The following NRXN1 variants were observed in gnomAD, a reference collection of about 807,000 sequenced individuals.
The protein encoded by NRXN1 is neurexin 1.
NRXN1 carries 39 observed loss-of-function variants against 150.9 expected under a neutral mutation model. The observed-to-expected ratio is 0.26, with a 90% CI of 0.20 to 0.34. NRXN1 has a LOEUF of 0.34. Ranked by LOEUF, NRXN1 falls within the 10% of genes least tolerant of loss-of-function variation. The probability of loss-of-function intolerance (pLI) is 1.00; values close to 1 mark genes in which losing one functional copy is unlikely to be tolerated. For missense variants in NRXN1, 1,815 were observed against 1,949.9 expected, an observed-to-expected ratio of 0.93 and a Z score of 1.30; for synonymous variants, 924 against 757.0, an observed-to-expected ratio of 1.22 and a Z score of -3.62.
intron 2 of NRXN1, among the ~76,000 whole-genome samples, chr2:51,008,938 A>C (rs1042301359): frequency 6.6e-6 from 1 of 151,890 alleles, no homozygotes; most frequent in African/African-American, 2.4e-5. Flanking sequence ...GACATACAGT[A>C]AATGAAACAA....
At chr2:50,514,989 A>AC (rs1029152465) in intron 12 of NRXN1, among the ~76,000 whole-genome samples, 17 of 151,896 alleles carry the variant, frequency 1.1e-4, no homozygotes, top group Admixed American at 2.6e-4. Flanking sequence ...CGGGCTCCCC[A>AC]CCCCCCAGGC....
At chr2:50,495,192 C>T (rs540890708) in intron 15 of NRXN1, among the ~76,000 whole-genome samples, 3 of 152,222 alleles carry the variant, frequency 2.0e-5, no homozygotes, top group South Asian at 4.2e-4. Flanking sequence ...TAGTGAATCA[C>T]AAAATGTGAT....
At chr2:50,447,737 TTATATATATATATATATATATA>T (rs70948710) in intron 17 of NRXN1, among the ~76,000 whole-genome samples, 19 of 37,936 alleles carry the variant, frequency 5.0e-4, no homozygotes, top group East Asian at 2.0e-3. Context: ...CAGGGGAACG[TTATATATATATATATATATATA>T]TATATATATA....
intron 5 of NRXN1, among the ~76,000 whole-genome samples, chr2:50,893,419 G>A (rs1681395108): frequency 6.6e-6 from 1 of 152,092 alleles, no homozygotes; most frequent in Non-Finnish European, 1.5e-5. Context: ...TTTTTAATGA[G>A]AACGTCAATA....
intron 2 of NRXN1, among the ~76,000 whole-genome samples, chr2:50,990,238 C>T (rs1362592792): frequency 6.6e-6 from 1 of 151,862 alleles, no homozygotes; most frequent in African/African-American, 2.4e-5. Flanking sequence ...CAAACATTTT[C>T]TTCTATCTCT....
intron 5 of NRXN1, among the ~76,000 whole-genome samples, chr2:50,826,493 G>A (rs1670461894): frequency 6.6e-6 from 1 of 152,050 alleles, no homozygotes; most frequent in South Asian, 2.1e-4. Context: ...ACTAGATGAT[G>A]GTGGCCTGAC....
At chr2:50,351,455 T>C (rs1376687204) in intron 17 of NRXN1, among the ~76,000 whole-genome samples, 1 of 152,162 alleles carries the variant, frequency 6.6e-6, no homozygotes, top group Non-Finnish European at 1.5e-5. Context: ...AAGTTATCAC[T>C]GATGAAATTA....
chr2:50,920,280 C>G (rs2104256243), intron 5 of NRXN1, among the ~76,000 whole-genome samples: 1 of 151,796 alleles, frequency 6.6e-6, no homozygotes, highest in Admixed American at 6.6e-5. Context: ...CACATGCCAA[C>G]AGAAAACATT....
intron 17 of NRXN1, among the ~76,000 whole-genome samples, chr2:50,279,484 T>C (rs996608361): frequency 6.6e-6 from 1 of 152,166 alleles, no homozygotes; most frequent in African/African-American, 2.4e-5. Flanking sequence ...TTCACCAAAA[T>C]TTAACTTTTT....
intron 15 of NRXN1, among the ~76,000 whole-genome samples, chr2:50,487,771 A>G (rs910693665): frequency 7.2e-5 from 11 of 152,310 alleles, no homozygotes; most frequent in African/African-American, 2.6e-4. Context: ...GGAATATAGT[A>G]AACAACTGTA....
intron 5 of NRXN1, among the ~76,000 whole-genome samples, chr2:50,646,879 G>C (rs1684893593): frequency 6.6e-6 from 1 of 151,764 alleles, no homozygotes; most frequent in Non-Finnish European, 1.5e-5. Flanking sequence ...CCCTTGAGGA[G>C]ACAGGGAGGA....
chr2:50,236,706 C>G, intron 18 of NRXN1, 83 bp downstream of exon 18: 1 of 1,270,230 alleles, frequency 7.9e-7, no homozygotes, highest in Non-Finnish European at 1.1e-6. Context: ...GGGAAGGAAG[C>G]ATCCAAGAAG....
chr2:50,484,716 A>G (rs987023508), intron 15 of NRXN1, among the ~76,000 whole-genome samples: 1 of 152,226 alleles, frequency 6.6e-6, no homozygotes, highest in Admixed American at 6.5e-5. Flanking sequence ...AGGGGCTAAG[A>G]AGACAGAACC....
At position 50,120,243 on chromosome 2, in the gene NRXN1, G is replaced by A. The variant is rs532540205; in HGVS notation, c.3547-28749C>T. Among the ~76,000 whole-genome samples the A allele has an allele frequency of 9.2e-5, 14 of 151,498 alleles. No homozygotes were observed. The South Asian group carries it at 2.5e-3, about 27-fold the overall frequency. The stretch of plus-strand genomic sequence containing the variant: ...ATATAAAATTAAAATTTTAAAAAAT[G>A]GTACTATATACACCTTTATAAAATA... On this transcript the variant is annotated intron_variant, in intron 18 of 22. Coordinates refer to ENST00000401669, the MANE Select transcript of NRXN1 (RefSeq NM_001330078.2).
At chr2:50,253,531 T>C (rs184643612) in intron 17 of NRXN1, among the ~76,000 whole-genome samples, 10 of 152,302 alleles carry the variant, frequency 6.6e-5, no homozygotes, top group Admixed American at 6.5e-4. Flanking sequence ...CCATTCTGTA[T>C]AAGATTTGCT....
intron 17 of NRXN1, among the ~76,000 whole-genome samples, chr2:50,367,646 A>T (rs1324622517): frequency 6.6e-6 from 1 of 151,920 alleles, no homozygotes; most frequent in Non-Finnish European, 1.5e-5. Context: ...AAGTCCATGA[A>T]AGCATATCTA....
chr2:50,833,459 A>C (rs1286946500), intron 5 of NRXN1, among the ~76,000 whole-genome samples: 3 of 152,222 alleles, frequency 2.0e-5, no homozygotes, highest in Non-Finnish European at 4.4e-5. Flanking sequence ...CAATGGAATA[A>C]TACATACCAA....
intron 18 of NRXN1, among the ~76,000 whole-genome samples, chr2:50,235,965 T>G (rs2065378333): frequency 6.6e-6 from 1 of 152,082 alleles, no homozygotes; most frequent in South Asian, 2.1e-4. Flanking sequence ...TATCTCTTAA[T>G]AAAAGACACT....
rs189409068 is a variant in NRXN1, at chr2:50,070,499, G to A, written c.3719-15455C>T. On this transcript the variant is annotated intron_variant, in intron 19 of 22. Coordinates refer to ENST00000401669, the MANE Select transcript of NRXN1 (RefSeq NM_001330078.2). ...AAAAACCTGTAAGTGGGCCAGACAC[G>A]GTGGCTCACGCCTGTAATCCCAGCA... Among the ~76,000 whole-genome samples the A allele has an allele frequency of 1.0e-3, 155 of 152,034 alleles. No individual in the cohort carries two copies. In the East Asian group the frequency reaches 0.015, roughly 15 times the overall value.
Sources: allele counts gnomAD v4.1 joint callset (sites outside exome capture counted in the v4.1 genomes callset), GRCh38; gene constraint gnomAD v4.1.1; transcripts MANE v1.5; gene names NCBI Gene and HGNC (gene_info 2026-07-23, HGNC 2026-07-21).